SPIRE1: variants seen among roughly 807,000 people sequenced by gnomAD.
The protein encoded by SPIRE1 is protein spire homolog 1.
Under a neutral mutation model 94.1 loss-of-function variants are expected in SPIRE1, and 40 were observed. That is an observed-to-expected ratio of 0.43 (90% CI 0.33 to 0.55). SPIRE1 has a LOEUF of 0.55. Ranked by LOEUF, SPIRE1 falls within the 20% of genes least tolerant of loss-of-function variation. The pLI, the probability that SPIRE1 is intolerant of heterozygous loss-of-function variation, is 0.06. For missense variants in SPIRE1, 838 were observed against 975.2 expected (o/e 0.86, Z 1.87); for synonymous variants, 376 against 371.7 (o/e 1.01, Z -0.13).
intron 2 of SPIRE1, among the ~76,000 whole-genome samples, chr18:12,566,944 T>C (rs2035836852): frequency 6.6e-6 from 1 of 152,184 alleles, no homozygotes; most frequent in Non-Finnish European, 1.5e-5. Flanking sequence ...AAATCTTCAG[T>C]AGAATACTAG....
chr18:12,596,089 T>C (rs1229522676), intron 2 of SPIRE1, among the ~76,000 whole-genome samples: 2 of 152,244 alleles, frequency 1.3e-5, no homozygotes, highest in East Asian at 1.9e-4. Flanking sequence ...ACTCCTGTTC[T>C]TTAGCACTCT....
At chr18:12,650,312 A>C (rs1305664247) in intron 1 of SPIRE1, among the ~76,000 whole-genome samples, 3 of 152,112 alleles carry the variant, frequency 2.0e-5, no homozygotes, top group South Asian at 4.2e-4. Flanking sequence ...CAATTCCAGC[A>C]CTTTGGTAGG....
At position 12,512,482 on chromosome 18, in the gene SPIRE1, T is replaced by C; in HGVS notation, c.779A>G (p.Asp260Gly). The C allele has an allele frequency of 6.2e-7, 1 of 1,613,200 alleles. No homozygotes were observed. Among genetic ancestry groups the C allele is most frequent in the Non-Finnish European group, 8.5e-7 (1 of 1,179,354 alleles). Residue 260 changes from aspartate to glycine, a missense_variant, in exon 5 of 17, where the codon GAC becomes GGC. By Grantham distance (94) the Asp-to-Gly change is moderately conservative. Coordinates refer to ENST00000409402, the MANE Select transcript of SPIRE1 (RefSeq NM_001128626.2). ...GTCAGCGTTTTTCAGCTCTTCCAAGTCTGTGCTAGATTCATCGCTCTTTTC... is the reference window on the plus strand; with the variant it reads ...GTCAGCGTTTTTCAGCTCTTCCAAGCCTGTGCTAGATTCATCGCTCTTTTC... ...EMEKSDESST[D>G]LEELKNADWA...
Position 12,535,562 on chromosome 18 carries a change from T to A in SPIRE1, c.643A>T (p.Asn215Tyr), listed in dbSNP as rs764517052. Residue 215 changes from asparagine (N) to tyrosine (Y), a missense_variant, in exon 4 of 17, where the codon AAT becomes TAT. Physicochemically the swap from Asn to Tyr is moderately radical, Grantham distance 143. This residue lies in a region of SPIRE1 where 645 missense variants were observed against 804.7 expected (regional missense o/e 0.80). Coordinates refer to ENST00000409402, the MANE Select transcript of SPIRE1 (RefSeq NM_001128626.2). ...AHLPTESDAP[N>Y]HYQAVCRALF... ...GCACGACATACTGCCTGATAATGAT[T>A]TGGTGCATCTGATTCAGTAGGGAGA... 1 of 1,613,328 alleles carries A rather than the reference T, an allele frequency of 6.2e-7. No homozygotes were observed.
rs185950491 is a variant in SPIRE1, at chr18:12,495,804, T to C, written c.1059+212A>G. Among the ~76,000 whole-genome samples the C allele has an allele frequency of 4.1e-3, 631 of 152,144 alleles. 2 individuals carry two copies. Among genetic ancestry groups the C allele is most frequent in the African/African-American group, 0.015 (604 of 41,494 alleles). ...TACTTGGGAGGCTGAGGTGGGAGGA[T>C]CACTTGAGTCCCAGGGGTCACTCCA... On this transcript the variant is annotated intron_variant, in intron 7 of 16. Coordinates refer to ENST00000409402, the MANE Select transcript of SPIRE1 (RefSeq NM_001128626.2).
chr18:12,627,777 TG>T (rs1423227589), intron 2 of SPIRE1, among the ~76,000 whole-genome samples: 1 of 152,208 alleles, frequency 6.6e-6, no homozygotes, highest in Admixed American at 6.5e-5. Flanking sequence ...TATCTCATTG[TG>T]GTTTTGATTT....
Position 12,561,372 on chromosome 18 carries a change from C to A in SPIRE1, c.373-14468G>T, listed in dbSNP as rs182284580. On this transcript the variant is annotated intron_variant, in intron 2 of 16. Coordinates refer to ENST00000409402, the MANE Select transcript of SPIRE1 (RefSeq NM_001128626.2). ...ACAACCTCTGCCTCCCAGGTTCAGG[C>A]GATTCTCCTGCCTCAGCCTCCCGAG... Among the ~76,000 whole-genome samples, 792 of 151,370 alleles carry A rather than the reference C, an allele frequency of 5.2e-3. 4 individuals are homozygous for A. Among genetic ancestry groups the A allele is most frequent in the Admixed American group, 9.5e-3 (144 of 15,178 alleles).
intron 2 of SPIRE1, among the ~76,000 whole-genome samples, chr18:12,555,648 T>G (rs1326143656): frequency 6.6e-6 from 1 of 152,142 alleles, no homozygotes; most frequent in East Asian, 1.9e-4. Flanking sequence ...CTCAAAAAAC[T>G]GGGTATATAA....
intron 4 of SPIRE1, among the ~76,000 whole-genome samples, chr18:12,517,920 T>G (rs921580906): frequency 7.2e-5 from 11 of 152,222 alleles, no homozygotes; most frequent in African/African-American, 2.4e-4. Flanking sequence ...CCATTTAAAC[T>G]ATCTTATTTC....
At chr18:12,572,639 A>T (rs567760433) in intron 2 of SPIRE1, among the ~76,000 whole-genome samples, 21 of 152,346 alleles carry the variant, frequency 1.4e-4, no homozygotes, top group Middle Eastern at 3.4e-3. Flanking sequence ...TGTTAAAAAA[A>T]TTTTTAAATA....
intron 2 of SPIRE1, among the ~76,000 whole-genome samples, chr18:12,618,360 A>G (rs898260974): frequency 2.0e-5 from 3 of 152,130 alleles, no homozygotes; most frequent in African/African-American, 7.2e-5. Flanking sequence ...TCGGCCTCCC[A>G]AAGTGCTGAG....
chr18:12,508,866 G>GAAACCT (rs1300380249), intron 5 of SPIRE1, among the ~76,000 whole-genome samples: 1 of 152,108 alleles, frequency 6.6e-6, no homozygotes, highest in Non-Finnish European at 1.5e-5. Context: ...AGTAGACACA[G>GAAACCT]GTTTCGTCAT....
In SPIRE1 at chr18:12,454,354, T is replaced by C. The variant is rs1217276046; in HGVS notation, c.1768A>G (p.Lys590Glu). The C allele has an allele frequency of 1.9e-6, 3 of 1,614,152 alleles. No individual in the cohort carries two copies. The highest frequency in any genetic ancestry group is 3.3e-5 in the Admixed American group (2 of 60,024). Residue 590 changes from lysine to glutamate, a missense_variant, in exon 13 of 17, where the codon AAA (lysine) becomes GAA (glutamate). By Grantham distance (56) the Lys-to-Glu change is moderately conservative. Around this residue, in one of 2 missense-constraint regions of SPIRE1, gnomAD observed 645 missense variants for 804.7 expected, o/e 0.80. Transcript: ENST00000409402. ...QYKDIYTALK[K>E]GKLCFCCRTR... ...ACTTTAAACAGCACTACCTTTCCTTTTTTCAAGGCGGTGTAGATGTCTTTA... is the reference window on the plus strand; with the variant it reads ...ACTTTAAACAGCACTACCTTTCCTTCTTTCAAGGCGGTGTAGATGTCTTTA...
chr18:12,611,809 G>A (rs543763730), intron 2 of SPIRE1, among the ~76,000 whole-genome samples: 33 of 151,354 alleles, frequency 2.2e-4, no homozygotes, highest in Non-Finnish European at 4.0e-4. Flanking sequence ...GACTATAGGC[G>A]TGCACCACCA....
At chr18:12,505,041 C>T (rs927081296) in intron 6 of SPIRE1, among the ~76,000 whole-genome samples, 5 of 152,094 alleles carry the variant, frequency 3.3e-5, no homozygotes, top group Admixed American at 6.5e-5. Flanking sequence ...TGGGCTGTGC[C>T]GGCCACGGTA....
intron 9 of SPIRE1, 86 bp from the exon 10 acceptor site, chr18:12,479,957 A>G (rs571135768): frequency 2.3e-6 from 3 of 1,312,502 alleles, no homozygotes; most frequent in Admixed American, 2.3e-5. Flanking sequence ...AGCATTTCAT[A>G]CAAAAACACA....
At chr18:12,552,385 T>C (rs1431861898) in intron 2 of SPIRE1, among the ~76,000 whole-genome samples, 1 of 152,032 alleles carries the variant, frequency 6.6e-6, no homozygotes, top group African/African-American at 2.4e-5. Flanking sequence ...AAGAGACCCC[T>C]TTTTTCCACT....
At chr18:12,659,645 G>A (rs1055435365), upstream of SPIRE1, among the ~76,000 whole-genome samples, 1 of 152,098 alleles carries the variant, frequency 6.6e-6, no homozygotes, top group Admixed American at 6.6e-5. Flanking sequence ...ACTCCAGCCT[G>A]GGGGACAGAG....
intron 1 of SPIRE1, among the ~76,000 whole-genome samples, chr18:12,654,336 C>CAAAAAAAAAAAAAAAAAAAAAAAAAAAA: frequency 1.0e-5 from 1 of 98,996 alleles, no homozygotes; most frequent in Non-Finnish European, 1.9e-5. Flanking sequence ...GACTCCACCT[C>CAAAAAAAAAAAAAAAAAAAAAAAAAAAA]AAAAAAAAAA....
Sources: gnomAD v4.1 joint callset for allele counts (sites outside exome capture counted in the v4.1 genomes callset) on GRCh38, gnomAD v4.1.1 for gene constraint, gnomAD v4.1.1 regional missense constraint, MANE v1.5 for transcripts, NCBI Gene and HGNC (gene_info 2026-07-23, HGNC 2026-07-21) for gene names.